PTPRK: variants seen among roughly 807,000 people sequenced by gnomAD.
The protein encoded by PTPRK is protein tyrosine phosphatase receptor type K.
A neutral mutation model predicts 178.0 loss-of-function variants in PTPRK; 75 were observed. The ratio of observed to expected loss-of-function variants is 0.42; its 90% confidence interval spans 0.35 to 0.51. The LOEUF is 0.51. Among genes scored for constraint, PTPRK ranks in the 20% least tolerant of loss-of-function variants. PTPRK has a pLI of 0.02. For synonymous variants in PTPRK, 637 were observed against 620.6 expected (o/e 1.03, Z -0.39); for missense variants, 1,441 against 1,797.8 (o/e 0.80, Z 3.59).
chr6:128,454,154 A>G (rs1562554643), intron 1 of PTPRK, among the ~76,000 whole-genome samples: 1 of 152,192 alleles, frequency 6.6e-6, no homozygotes, highest in Non-Finnish European at 1.5e-5. Context: ...TAGCCAGAAG[A>G]CAGCTTCTAT....
intron 7 of PTPRK, among the ~76,000 whole-genome samples, chr6:128,129,493 T>C (rs1039281372): frequency 5.9e-5 from 9 of 152,194 alleles, no homozygotes; most frequent in Admixed American, 1.3e-4. Flanking sequence ...TCAGGTTCTT[T>C]TTGTTACATT....
intron 2 of PTPRK, 88 bp from the exon 3 acceptor site, chr6:128,322,398 CATTAA>C: frequency 1.5e-6 from 2 of 1,302,674 alleles, no homozygotes; most frequent in Non-Finnish European, 2.1e-6. Context: ...CCATTCTGAG[CATTAA>C]ATTTAAGTTA....
intron 13 of PTPRK, among the ~76,000 whole-genome samples, chr6:128,010,030 A>C (rs1161379568): frequency 6.6e-6 from 1 of 151,072 alleles, no homozygotes; most frequent in Non-Finnish European, 1.5e-5. Flanking sequence ...AGCCCCAGTA[A>C]CTCTCTGAGG....
chr6:128,215,273 A>G (rs887664991), intron 6 of PTPRK, among the ~76,000 whole-genome samples: 2 of 152,202 alleles, frequency 1.3e-5, no homozygotes, highest in Non-Finnish European at 2.9e-5. Context: ...ATGGAAACAG[A>G]CGGAGGAGAT....
chr6:128,301,363 T>A (rs1318713219), intron 3 of PTPRK, among the ~76,000 whole-genome samples: 1 of 152,102 alleles, frequency 6.6e-6, no homozygotes, highest in Non-Finnish European at 1.5e-5. Flanking sequence ...AATTTTTCAA[T>A]ACTCTCTTTT....
chr6:128,089,602 T>A, intron 8 of PTPRK, 88 bp downstream of exon 8: 1 of 1,281,322 alleles, frequency 7.8e-7, no homozygotes, highest in Non-Finnish European at 1.1e-6. Context: ...TCCAATTCAG[T>A]ATTGGACAAT....
At chr6:128,044,906 T>C (rs919961595) in intron 13 of PTPRK, among the ~76,000 whole-genome samples, 1 of 152,036 alleles carries the variant, frequency 6.6e-6, no homozygotes, top group Non-Finnish European at 1.5e-5. Flanking sequence ...AAGTGATATG[T>C]CTTGTTTACC....
intron 2 of PTPRK, among the ~76,000 whole-genome samples, chr6:128,322,978 G>GATA: frequency 6.6e-6 from 1 of 152,036 alleles, no homozygotes; most frequent in African/African-American, 2.4e-5. Flanking sequence ...TCCCCACTTG[G>GATA]AGTCTCACCC....
intron 1 of PTPRK, among the ~76,000 whole-genome samples, chr6:128,495,671 C>T (rs1290056858): frequency 1.3e-5 from 2 of 152,164 alleles, no homozygotes; most frequent in Non-Finnish European, 2.9e-5. Flanking sequence ...CACGTGGCCC[C>T]TCCAAACCCT....
intron 1 of PTPRK, among the ~76,000 whole-genome samples, chr6:128,495,051 C>A (rs1854457737): frequency 6.6e-6 from 1 of 152,192 alleles, no homozygotes; most frequent in African/African-American, 2.4e-5. Flanking sequence ...AAAAATATTT[C>A]TTCCTTTCTT....
chr6:128,262,207 A>C (rs1376249322), intron 3 of PTPRK, among the ~76,000 whole-genome samples: 8 of 152,300 alleles, frequency 5.3e-5, no homozygotes, highest in South Asian at 2.1e-4. Context: ...TTGATACACC[A>C]ATTTTATGTA....
At chr6:128,445,870 T>A (rs577407339) in intron 1 of PTPRK, among the ~76,000 whole-genome samples, 1 of 152,284 alleles carries the variant, frequency 6.6e-6, no homozygotes, top group South Asian at 2.1e-4. Context: ...TTTTCTTTTG[T>A]TTTTGAAACT....
At chr6:128,404,528 A>G (rs997237987) in intron 1 of PTPRK, among the ~76,000 whole-genome samples, 1 of 152,220 alleles carries the variant, frequency 6.6e-6, no homozygotes, top group Non-Finnish European at 1.5e-5. Context: ...TTTTAAATAC[A>G]GGTAACCGCA....
At chr6:128,247,725 T>C (rs981335713) in intron 3 of PTPRK, among the ~76,000 whole-genome samples, 1 of 152,196 alleles carries the variant, frequency 6.6e-6, no homozygotes. Context: ...ATAATGCACA[T>C]AAAACATTTA....
intron 6 of PTPRK, among the ~76,000 whole-genome samples, chr6:128,203,844 C>T (rs1443446615): frequency 2.0e-5 from 3 of 152,172 alleles, no homozygotes; most frequent in South Asian, 2.1e-4. Flanking sequence ...AATGGCCATA[C>T]TGCCTAAAGT....
chr6:128,082,637 A>T lies in PTPRK; in HGVS notation c.1577T>A (p.Ile526Asn). The T allele has an allele frequency of 6.3e-7, 1 of 1,596,144 alleles. No individual in the cohort carries two copies. The highest frequency in any genetic ancestry group is 8.6e-7 in the Non-Finnish European group (1 of 1,166,756). ...AAATGATCTTATACTGCTATAGCTG[A>T]TCTGTTTTAAGAAATACATTTATTA... Reference protein sequence around the residue: ...DPNGIITQYEISYSSIRSFDP... With the variant: ...DPNGIITQYENSYSSIRSFDP... The change falls in exon 10 of 30, where the codon ATC (isoleucine) becomes AAC (asparagine). Residue 526 changes from isoleucine to asparagine, a missense_variant and splice_region_variant. Ile to Asn is a moderately radical substitution (Grantham distance 149). This residue lies in a region of PTPRK where 945 missense variants were observed against 1,080.6 expected (regional missense o/e 0.87). Coordinates refer to ENST00000368226, the MANE Select transcript of PTPRK (RefSeq NM_002844.4).
chr6:127,983,278 G>A lies in PTPRK; in HGVS notation c.3351C>T (p.Ala1117=), dbSNP rs1775575285. ...GVVDIYNCVK[A]LRSRRINMVQ... ...CCATATTAATACGCCGAGATCTTAA[G>A]GCTTTGACACAATTGTAAATATCAA... Residue 1117 remains alanine (A), a synonymous_variant, in exon 23 of 30, where the codon GCC becomes GCT. Transcript: ENST00000368226. The A allele has an allele frequency of 6.2e-7, 1 of 1,613,454 alleles. No homozygotes were observed. Among genetic ancestry groups the A allele is most frequent in the Non-Finnish European group, 8.5e-7 (1 of 1,179,602 alleles).
At chr6:128,238,579 C>T (rs142225678) in intron 5 of PTPRK, among the ~76,000 whole-genome samples, 2,434 of 152,056 alleles carry the variant, frequency 0.016, 24 homozygotes, top group Non-Finnish European at 0.028. Flanking sequence ...AGCTAATGTT[C>T]CCATCTAAAT....
intron 8 of PTPRK, among the ~76,000 whole-genome samples, chr6:128,084,278 C>T (rs1017089187): frequency 5.9e-5 from 9 of 152,236 alleles, no homozygotes; most frequent in African/African-American, 1.9e-4. Flanking sequence ...ATAATTAACA[C>T]TCTTTGGTCT....
Sources: gnomAD v4.1 joint callset for allele counts (sites outside exome capture counted in the v4.1 genomes callset) on GRCh38, gnomAD v4.1.1 for gene constraint, gnomAD v4.1.1 regional missense constraint, MANE v1.5 for transcripts, NCBI Gene and HGNC (gene_info 2026-07-23, HGNC 2026-07-21) for gene names.